LRRC4C: variants seen among roughly 807,000 people sequenced by gnomAD.
LRRC4C encodes the protein leucine-rich repeat-containing protein 4C.
A neutral mutation model predicts 33.6 loss-of-function variants in LRRC4C; 5 were observed. The observed-to-expected ratio is 0.15, with a 90% CI of 0.08 to 0.31. LRRC4C has a LOEUF of 0.31. Among genes scored for constraint, LRRC4C ranks in the 10% least tolerant of loss-of-function variants. LRRC4C has a pLI of 1.00. For synonymous variants in LRRC4C, 329 were observed against 302.0 expected, an observed-to-expected ratio of 1.09 and a Z score of -0.93; for missense variants, 560 against 796.7, an observed-to-expected ratio of 0.70 and a Z score of 3.58.
intron 2 of LRRC4C, among the ~76,000 whole-genome samples, chr11:40,677,152 G>C (rs534695307): frequency 6.6e-6 from 1 of 152,278 alleles, no homozygotes. Context: ...TTGGGAGGCA[G>C]AGAGGGGTGG....
At chr11:40,973,218 G>A (rs920598021) in intron 1 of LRRC4C, among the ~76,000 whole-genome samples, 3 of 151,976 alleles carry the variant, frequency 2.0e-5, no homozygotes, top group African/African-American at 7.2e-5. Context: ...TGCAGTGTGA[G>A]GATGAACTAA....
chr11:40,164,860 C>A (rs570353173), intron 5 of LRRC4C, among the ~76,000 whole-genome samples: 4 of 152,082 alleles, frequency 2.6e-5, no homozygotes, highest in Non-Finnish European at 5.9e-5. Context: ...ATCATATGCA[C>A]CCCATAAATT....
intron 1 of LRRC4C, among the ~76,000 whole-genome samples, chr11:40,990,978 A>T (rs1289333676): frequency 6.6e-6 from 1 of 151,968 alleles, no homozygotes; most frequent in African/African-American, 2.4e-5. Flanking sequence ...TTTATGGAAT[A>T]CAATTTTTAC....
At chr11:40,752,867 CCTAAGTAT>C (rs1948761677) in intron 2 of LRRC4C, among the ~76,000 whole-genome samples, 1 of 152,002 alleles carries the variant, frequency 6.6e-6, no homozygotes, top group South Asian at 2.1e-4. Flanking sequence ...ACGGAATCAA[CCTAAGTAT>C]CTGTCAATGG....
chr11:40,950,460 CTG>C (rs1958643766), intron 1 of LRRC4C, among the ~76,000 whole-genome samples: 1 of 151,882 alleles, frequency 6.6e-6, no homozygotes, highest in African/African-American at 2.4e-5. Flanking sequence ...ATATGTGCAC[CTG>C]TGTTATAGAA....
At chr11:40,978,340 C>T (rs1339211590) in intron 1 of LRRC4C, among the ~76,000 whole-genome samples, 2 of 152,182 alleles carry the variant, frequency 1.3e-5, no homozygotes, top group African/African-American at 4.8e-5. Flanking sequence ...CAACTAGCAC[C>T]TAACTTTGAT....
chr11:40,622,793 C>G (rs980469785), intron 3 of LRRC4C, among the ~76,000 whole-genome samples: 6 of 151,828 alleles, frequency 4.0e-5, no homozygotes, highest in African/African-American at 7.2e-5. Flanking sequence ...AACACACTCT[C>G]TATATCATAG....
At chr11:40,222,784 A>G (rs989922684) in intron 5 of LRRC4C, among the ~76,000 whole-genome samples, 2 of 152,240 alleles carry the variant, frequency 1.3e-5, no homozygotes, top group African/African-American at 4.8e-5. Context: ...GGCAAGCACC[A>G]TGCAGGCTTA....
At chr11:40,176,454 G>T (rs1860493514) in intron 5 of LRRC4C, among the ~76,000 whole-genome samples, 1 of 151,770 alleles carries the variant, frequency 6.6e-6, no homozygotes, top group East Asian at 1.9e-4. Flanking sequence ...GAGATAAAGG[G>T]AGCCATGCAT....
chr11:41,019,013 C>T (rs1855777209), intron 1 of LRRC4C, among the ~76,000 whole-genome samples: 1 of 152,034 alleles, frequency 6.6e-6, no homozygotes, highest in South Asian at 2.1e-4. Context: ...GTCTAGTGCC[C>T]CTTTGTACTC....
intron 3 of LRRC4C, among the ~76,000 whole-genome samples, chr11:40,425,647 G>A: frequency 6.6e-6 from 1 of 152,136 alleles, no homozygotes; most frequent in South Asian, 2.1e-4. Context: ...ATAAACGGAG[G>A]AGCAAATGAA....
intron 2 of LRRC4C, among the ~76,000 whole-genome samples, chr11:40,779,752 T>C (rs1422509263): frequency 6.6e-6 from 1 of 152,174 alleles, no homozygotes; most frequent in Non-Finnish European, 1.5e-5. Flanking sequence ...TCTAGTAGAA[T>C]AAGGCAGTTT....
At chr11:40,496,320 T>C (rs1458961199) in intron 3 of LRRC4C, among the ~76,000 whole-genome samples, 1 of 152,186 alleles carries the variant, frequency 6.6e-6, no homozygotes, top group Non-Finnish European at 1.5e-5. Context: ...TTGTGAGGTG[T>C]AACTAACAAA....
intron 2 of LRRC4C, among the ~76,000 whole-genome samples, chr11:40,800,324 G>C (rs1019519259): frequency 2.6e-5 from 4 of 152,130 alleles, no homozygotes; most frequent in Non-Finnish European, 5.9e-5. Flanking sequence ...CTAACTGGGG[G>C]AATGTTGAGG....
At chr11:41,306,989 A>T (rs1950522499) in intron 1 of LRRC4C, among the ~76,000 whole-genome samples, 1 of 152,188 alleles carries the variant, frequency 6.6e-6, no homozygotes, top group South Asian at 2.1e-4. Flanking sequence ...TCAAATCTAG[A>T]TAGTTGTAGT....
At chr11:40,225,926 C>T (rs544654182) in intron 5 of LRRC4C, among the ~76,000 whole-genome samples, 36 of 152,218 alleles carry the variant, frequency 2.4e-4, no homozygotes, top group African/African-American at 8.4e-4. Flanking sequence ...GCCTATATTT[C>T]CCAATTCTTA....
chr11:41,203,539 A>G (rs1946482610), intron 1 of LRRC4C, among the ~76,000 whole-genome samples: 1 of 152,206 alleles, frequency 6.6e-6, no homozygotes, highest in African/African-American at 2.4e-5. Context: ...TGCATCCCAC[A>G]TTCTAAGACC....
In LRRC4C at chr11:40,174,501, T is replaced by C. The variant is rs138319492; in HGVS notation, c.-95-33648A>G. 2.8e-4 allele frequency among the ~76,000 whole-genome samples: 43 copies of C among 152,328 alleles called. No homozygotes were observed. The East Asian group carries it at 7.7e-3, about 27-fold the overall frequency. ...GTTAGAAGGCTATGAACATCTACCA[T>C]TGATCATGACTCTAAAGGCAGTATT... On this transcript the variant is annotated intron_variant, in intron 5 of 6. Transcript: ENST00000528697.
intron 3 of LRRC4C, among the ~76,000 whole-genome samples, chr11:40,630,550 T>G (rs1963399981): frequency 6.6e-6 from 1 of 152,094 alleles, no homozygotes; most frequent in Admixed American, 6.6e-5. Context: ...GTTCTCTCAT[T>G]ATCACTATTT....
Sources: allele counts gnomAD v4.1 joint callset (sites outside exome capture counted in the v4.1 genomes callset), GRCh38; gene constraint gnomAD v4.1.1; transcripts MANE v1.5; gene names NCBI Gene and HGNC (gene_info 2026-07-23, HGNC 2026-07-21).